The following COMMD10 variants were observed in gnomAD, a reference collection of about 807,000 sequenced individuals.
COMMD10 encodes the protein COMM domain containing 10.
Under a neutral mutation model 28.9 loss-of-function variants are expected in COMMD10, and 33 were observed. The ratio of observed to expected loss-of-function variants is 1.14; its 90% CI spans 0.87 to 1.53. The LOEUF is 1.53. COMMD10 is among the 40% of genes most tolerant of loss of function. The probability of loss-of-function intolerance (pLI) is 0.00; values close to 1 mark genes in which losing one functional copy is unlikely to be tolerated. For synonymous variants in COMMD10, 110 were observed against 81.7 expected (o/e 1.35, Z -1.87); for missense variants, 310 against 233.4 (o/e 1.33, Z -2.14).
chr5:116,201,797 T>A (rs75737997), intron 5 of COMMD10, among the ~76,000 whole-genome samples: 2 of 152,076 alleles, frequency 1.3e-5, no homozygotes, highest in African/African-American at 4.8e-5. Flanking sequence ...AGGTTTTTAA[T>A]TTATCCAAAG....
At chr5:116,239,816 C>T (rs3822368) in intron 5 of COMMD10, among the ~76,000 whole-genome samples, 55,510 of 152,024 alleles carry the variant, frequency 0.37, 12,420 homozygotes, top group African/African-American at 0.64. Context: ...TTTACAGCTA[C>T]ACATTACATG....
At chr5:116,196,770 A>G (rs1748533975) in intron 5 of COMMD10, among the ~76,000 whole-genome samples, 3 of 152,142 alleles carry the variant, frequency 2.0e-5, no homozygotes, top group Non-Finnish European at 4.4e-5. Flanking sequence ...TAATGATTGG[A>G]AAAATAACTA....
chr5:116,191,190 A>T (rs922615437), intron 5 of COMMD10, among the ~76,000 whole-genome samples: 1 of 152,112 alleles, frequency 6.6e-6, no homozygotes, highest in Non-Finnish European at 1.5e-5. Flanking sequence ...CACCACAGGG[A>T]TCCATCAGGA....
rs1561594842 is a variant in COMMD10, at chr5:116,091,109, G to A, written c.163G>A (p.Glu55Lys). ...GAGCAGTTTCAGTGAAGAAGAGGAA[G>A]AAAAACTTCAAGCGGCATTTTCTCT... is the stretch of plus-strand genomic sequence containing the variant. Reference protein sequence around the residue: ...AESSFSEEEEEKLQAAFSLEK... With the variant: ...AESSFSEEEEKKLQAAFSLEK... The change falls in exon 3 of 7, where the codon GAA becomes AAA. Residue 55 changes from glutamate (E) to lysine (K), a missense_variant. Physicochemically the swap from Glu to Lys is moderately conservative, Grantham distance 56 (BLOSUM62 1). Transcript: ENST00000274458. The A allele has an allele frequency of 6.2e-7, 1 of 1,611,380 alleles. No homozygotes were observed. The highest frequency in any genetic ancestry group is 8.5e-7 in the Non-Finnish European group (1 of 1,178,472).
chr5:116,241,620 T>G (rs939151558), intron 5 of COMMD10, among the ~76,000 whole-genome samples: 1 of 150,998 alleles, frequency 6.6e-6, no homozygotes, highest in African/African-American at 2.4e-5. Flanking sequence ...ATTTATTTAT[T>G]TATTTATTTT....
chr5:116,191,479 T>C (rs1341047570), intron 5 of COMMD10, among the ~76,000 whole-genome samples: 1 of 150,664 alleles, frequency 6.6e-6, no homozygotes, highest in Non-Finnish European at 1.5e-5. Flanking sequence ...ACTGGCCCTT[T>C]GGTTTGCATA....
intron 4 of COMMD10, among the ~76,000 whole-genome samples, chr5:116,104,429 C>G (rs1004144974): frequency 2.6e-5 from 4 of 152,072 alleles, no homozygotes; most frequent in African/African-American, 7.2e-5. Context: ...GGAGTTCACT[C>G]ATGATTTGTC....
intron 5 of COMMD10, among the ~76,000 whole-genome samples, chr5:116,164,420 A>T (rs899961475): frequency 9.2e-5 from 14 of 152,214 alleles, no homozygotes; most frequent in African/African-American, 3.1e-4. Flanking sequence ...GGGGTAATTG[A>T]CAGTTGTTCA....
intron 5 of COMMD10, among the ~76,000 whole-genome samples, chr5:116,245,401 A>C (rs1302211897): frequency 6.6e-6 from 1 of 152,128 alleles, no homozygotes. Flanking sequence ...TCACATCTGA[A>C]TTCTCCCAGA....
At position 116,292,649 on chromosome 5, in the gene COMMD10, T is replaced by C. The variant is rs1049195772; in HGVS notation, c.*160T>C. The C allele has an allele frequency of 2.1e-6, 1 of 477,850 alleles. No individual in the cohort carries two copies. The highest frequency in any genetic ancestry group is 3.7e-6 in the Non-Finnish European group (1 of 270,984). The allele number at this position is 477,850 out of a possible 1,614,324, so 29.6% of individuals were successfully genotyped here. ...GACAAATAACAACCAATAGAGATCA[T>C]TGTTAAGAATACTGAGGTTCTAATA... On this transcript the variant is annotated 3_prime_UTR_variant, in exon 7 of 7. Transcript: ENST00000274458.
intron 5 of COMMD10, among the ~76,000 whole-genome samples, chr5:116,254,847 T>C (rs961304368): frequency 6.6e-6 from 1 of 151,432 alleles, no homozygotes; most frequent in African/African-American, 2.4e-5. Context: ...AATTCCTGGG[T>C]ATCCTTGTTG....
At chr5:116,187,065 G>A (rs927616008) in intron 5 of COMMD10, among the ~76,000 whole-genome samples, 2 of 151,982 alleles carry the variant, frequency 1.3e-5, no homozygotes, top group African/African-American at 4.8e-5. Context: ...ATATCCTAAA[G>A]TAAAAAATAA....
intron 5 of COMMD10, among the ~76,000 whole-genome samples, chr5:116,161,111 G>A (rs1444813097): frequency 6.6e-6 from 1 of 152,110 alleles, no homozygotes; most frequent in Admixed American, 6.5e-5. Context: ...TGGTATATGT[G>A]TATGTGCATG....
intron 4 of COMMD10, among the ~76,000 whole-genome samples, chr5:116,121,105 T>A (rs966622157): frequency 2.0e-5 from 3 of 152,160 alleles, no homozygotes; most frequent in African/African-American, 7.2e-5. Context: ...TTACATTAGA[T>A]ATTTCTCCTA....
At chr5:116,205,143 G>A (rs1399441155) in intron 5 of COMMD10, among the ~76,000 whole-genome samples, 1 of 152,094 alleles carries the variant, frequency 6.6e-6, no homozygotes, top group Non-Finnish European at 1.5e-5. Context: ...AACTCTTAAA[G>A]CAATAATAAA....
intron 5 of COMMD10, among the ~76,000 whole-genome samples, chr5:116,206,905 A>G (rs1441400852): frequency 6.6e-6 from 1 of 152,166 alleles, no homozygotes; most frequent in East Asian, 1.9e-4. Flanking sequence ...TTAGGAAGCA[A>G]CAGCTCTTCT....
At chr5:116,096,612 C>G (rs1750477403) in intron 4 of COMMD10, among the ~76,000 whole-genome samples, 1 of 151,994 alleles carries the variant, frequency 6.6e-6, no homozygotes, top group African/African-American at 2.4e-5. Context: ...CAAGGACTTC[C>G]AACGTGATGC....
chr5:116,110,435 A>C (rs540154066), intron 4 of COMMD10, among the ~76,000 whole-genome samples: 2 of 152,302 alleles, frequency 1.3e-5, no homozygotes, highest in African/African-American at 4.8e-5. Flanking sequence ...ACAGTTTTAC[A>C]AGAATTGGTA....
chr5:116,289,105 C>G (rs1168180261), intron 5 of COMMD10, among the ~76,000 whole-genome samples: 2 of 151,666 alleles, frequency 1.3e-5, no homozygotes, highest in African/African-American at 4.9e-5. Context: ...TGGTCTCGAA[C>G]TCCTGACCTC....
Sources: gnomAD v4.1 joint callset for allele counts (sites outside exome capture counted in the v4.1 genomes callset) on GRCh38, gnomAD v4.1.1 for gene constraint, MANE v1.5 for transcripts, NCBI Gene and HGNC (gene_info 2026-07-23, HGNC 2026-07-21) for gene names.